SLC25A13: variants seen among roughly 807,000 people sequenced by gnomAD.
SLC25A13 encodes solute carrier family 25 member 13.
Under a neutral mutation model 85.5 loss-of-function variants are expected in SLC25A13, and 70 were observed. The observed-to-expected ratio is 0.82, with a 90% CI of 0.68 to 1.00. The LOEUF (loss-of-function observed/expected upper bound fraction) is 1.00. Ranked by LOEUF, SLC25A13 falls within the 50% of genes least tolerant of loss-of-function variation. SLC25A13 has a pLI of 0.00. For missense variants in SLC25A13, 765 were observed against 819.8 expected, an observed-to-expected ratio of 0.93 and a Z score of 0.82; for synonymous variants, 259 against 288.7, an observed-to-expected ratio of 0.90 and a Z score of 1.04.
At chr7:96,301,536 T>C (rs1172218258) in intron 1 of SLC25A13, among the ~76,000 whole-genome samples, 1 of 152,068 alleles carries the variant, frequency 6.6e-6, no homozygotes, top group Middle Eastern at 3.2e-3. Flanking sequence ...TACTATGAAA[T>C]ATTATTTGCT....
At position 96,234,921 on chromosome 7, in the gene SLC25A13, CAACATAAAACA is replaced by C; in HGVS notation, c.213-15_213-5del. On this transcript the variant is annotated splice_polypyrimidine_tract_variant and splice_region_variant and intron_variant, in intron 3 of 17. Transcript: ENST00000265631. The stretch of plus-strand genomic sequence containing the variant: ...AAATTCTTGAAAAGATATTAATCTG[CAACATAAAACA>C]AACATAAAGCAAAAGTCAGTAGCTT... The C allele has an allele frequency of 1.2e-6, 2 of 1,605,254 alleles. No individual in the cohort carries two copies. Among genetic ancestry groups the C allele is most frequent in the Non-Finnish European group, 1.7e-6 (2 of 1,172,602 alleles).
chr7:96,173,341 C>G (rs1794085859), intron 11 of SLC25A13, among the ~76,000 whole-genome samples: 1 of 152,110 alleles, frequency 6.6e-6, no homozygotes, highest in Non-Finnish European at 1.5e-5. Flanking sequence ...GAGAGGAAAC[C>G]AAGGCATAGA....
chr7:96,212,058 C>G (rs1795718636), intron 4 of SLC25A13, among the ~76,000 whole-genome samples: 1 of 150,596 alleles, frequency 6.6e-6, no homozygotes, highest in African/African-American at 2.5e-5. Context: ...CTCTCCAGAC[C>G]AAGCAGTGTA....
At chr7:96,255,926 T>C (rs1797616455) in intron 3 of SLC25A13, among the ~76,000 whole-genome samples, 1 of 152,122 alleles carries the variant, frequency 6.6e-6, no homozygotes, top group South Asian at 2.1e-4. Flanking sequence ...ATATTCAACA[T>C]TCTTAAAGAA....
intron 3 of SLC25A13, among the ~76,000 whole-genome samples, chr7:96,273,353 C>A (rs763810423): frequency 6.6e-6 from 1 of 152,072 alleles, no homozygotes; most frequent in Non-Finnish European, 1.5e-5. Context: ...AGGCAAAGAG[C>A]CATTTGAGGT....
chr7:96,177,143 G>T (rs912729525), intron 11 of SLC25A13, among the ~76,000 whole-genome samples: 2 of 152,066 alleles, frequency 1.3e-5, no homozygotes, highest in Non-Finnish European at 2.9e-5. Flanking sequence ...TTGTTTGCAA[G>T]AGGCAATTCA....
chr7:96,180,305 T>A (rs1310040896), intron 11 of SLC25A13, among the ~76,000 whole-genome samples: 1 of 152,152 alleles, frequency 6.6e-6, no homozygotes, highest in Non-Finnish European at 1.5e-5. Flanking sequence ...AAAATTTTCG[T>A]CTAAGAAGTA....
chr7:96,290,470 C>T (rs370372742), intron 2 of SLC25A13, among the ~76,000 whole-genome samples: 4,673 of 152,020 alleles, frequency 0.031, 181 homozygotes, highest in African/African-American at 0.09. Flanking sequence ...AATTAAAAGA[C>T]ACAGACTGGC....
chr7:96,291,484 C>A (rs1177729462), intron 2 of SLC25A13, among the ~76,000 whole-genome samples: 1 of 152,038 alleles, frequency 6.6e-6, no homozygotes, highest in East Asian at 1.9e-4. Context: ...ATTAATGAAT[C>A]CAGGAGCTGG....
At chr7:96,172,039 TGA>T (rs1554345645) in intron 11 of SLC25A13, among the ~76,000 whole-genome samples, 1 of 45,890 alleles carries the variant, frequency 2.2e-5, no homozygotes, top group East Asian at 1.3e-3. Context: ...TGTGTCATAC[TGA>T]GAGAGGTTCA....
At chr7:96,315,435 A>G (rs1800094865) in intron 1 of SLC25A13, among the ~76,000 whole-genome samples, 1 of 152,224 alleles carries the variant, frequency 6.6e-6, no homozygotes, top group African/African-American at 2.4e-5. Flanking sequence ...AGACTTCAGT[A>G]TGTAGGGAAT....
intron 3 of SLC25A13, among the ~76,000 whole-genome samples, chr7:96,235,406 A>G (rs1480343852): frequency 6.6e-6 from 1 of 152,234 alleles, no homozygotes; most frequent in Non-Finnish European, 1.5e-5. Flanking sequence ...GAATACAGAT[A>G]AATGATACAT....
intron 5 of SLC25A13, among the ~76,000 whole-genome samples, chr7:96,205,960 G>T (rs1201576163): frequency 6.7e-6 from 1 of 149,292 alleles, no homozygotes; most frequent in African/African-American, 2.5e-5. Context: ...AAAAAAAAAG[G>T]AACTGCAGAG....
chr7:96,318,299 G>A (rs1050139295), intron 1 of SLC25A13, among the ~76,000 whole-genome samples: 2 of 152,156 alleles, frequency 1.3e-5, no homozygotes, highest in African/African-American at 4.8e-5. Flanking sequence ...AACCAATGAC[G>A]AAGAAGAAAG....
chr7:96,147,105 C>T (rs1037796498), intron 13 of SLC25A13, among the ~76,000 whole-genome samples: 1 of 128,190 alleles, frequency 7.8e-6, no homozygotes, highest in African/African-American at 4.9e-5. Context: ...AGACACAGAA[C>T]GTATCCAAAT....
intron 1 of SLC25A13, among the ~76,000 whole-genome samples, chr7:96,299,652 T>C (rs1409519736): frequency 6.6e-6 from 1 of 152,212 alleles, no homozygotes; most frequent in Non-Finnish European, 1.5e-5. Flanking sequence ...TGTTGATAAC[T>C]TGCATTAGCT....
intron 11 of SLC25A13, among the ~76,000 whole-genome samples, chr7:96,178,029 G>A (rs1413143926): frequency 6.6e-6 from 1 of 152,108 alleles, no homozygotes; most frequent in East Asian, 1.9e-4. Context: ...CCTGACCCTT[G>A]TACACAACAA....
In SLC25A13 at chr7:96,296,853, G is replaced by C. The variant is rs77834136; in HGVS notation, c.69+45C>G. 100,499 of 1,514,318 alleles carry C rather than the reference G, an allele frequency of 0.066. 4,047 individuals carry two copies. The highest frequency in any genetic ancestry group is 0.081 in the Non-Finnish European group (88,805 of 1,091,830). 93.8% of individuals were successfully genotyped at this position (1,514,318 alleles called of 1,614,324 possible). A position where few individuals can be genotyped will look rare whatever the true frequency, so the allele number is the denominator to read the frequency against. ...TTGAAAATAATATTTAAAAGTTATA[G>C]AACACAAATCAAACAAGAAACAAAA... On this transcript the variant is annotated intron_variant, in intron 2 of 17. Transcript: ENST00000265631.
chr7:96,220,161 C>A (rs1359403449), intron 4 of SLC25A13, among the ~76,000 whole-genome samples: 1 of 152,114 alleles, frequency 6.6e-6, no homozygotes, highest in Non-Finnish European at 1.5e-5. Flanking sequence ...TTTTAAAATT[C>A]TTAAAGCATT....
Sources: gnomAD v4.1 joint callset for allele counts (sites outside exome capture counted in the v4.1 genomes callset) on GRCh38, gnomAD v4.1.1 for gene constraint, MANE v1.5 for transcripts, NCBI Gene and HGNC (gene_info 2026-07-23, HGNC 2026-07-21) for gene names.